EFCAB5: variants seen among roughly 807,000 people sequenced by gnomAD.
The protein encoded by EFCAB5 is EF-hand calcium binding domain 5.
EFCAB5 carries 131 observed loss-of-function variants against 167.9 expected under a neutral mutation model. The ratio of observed to expected loss-of-function variants is 0.78; its 90% CI spans 0.68 to 0.90. The LOEUF is 0.90. Among genes scored for constraint, EFCAB5 ranks in the 40% least tolerant of loss-of-function variants. The probability of loss-of-function intolerance (pLI) is 0.00; values close to 1 mark genes in which losing one functional copy is unlikely to be tolerated. For missense variants in EFCAB5, 1,663 were observed against 1,745.2 expected (o/e 0.95, Z 0.84); for synonymous variants, 574 against 602.8 (o/e 0.95, Z 0.70).
intron 14 of EFCAB5, among the ~76,000 whole-genome samples, chr17:30,076,242 G>GA (rs1487934540): frequency 1.3e-5 from 2 of 152,176 alleles, no homozygotes; most frequent in African/African-American, 4.8e-5. Context: ...AAATAAAAAA[G>GA]AAAGTGTCTT....
At chr17:30,092,266 T>C (rs2071214645) in intron 21 of EFCAB5, 109 bp downstream of exon 21, 1 of 1,173,552 alleles carries the variant, frequency 8.5e-7, no homozygotes, top group South Asian at 1.6e-5. Flanking sequence ...CAAGAATTTT[T>C]ACTGAGTGGA....
At chr17:30,044,265 A>G (rs1271397148) in intron 8 of EFCAB5, among the ~76,000 whole-genome samples, 1 of 152,154 alleles carries the variant, frequency 6.6e-6, no homozygotes, top group Non-Finnish European at 1.5e-5. Flanking sequence ...TAAAAATTAA[A>G]CCTACTGGAA....
At position 30,054,066 on chromosome 17, in the gene EFCAB5, A is replaced by G. The variant is rs1222923059; in HGVS notation, c.2112A>G (p.Glu704=). ...EVPLQEKRSW[E]QTYEEEIFLS... ...CTCTACAGGAAAAGAGGTCTTGGGAACAAACATATGAAGAGGAAATATTCC... is the reference window on the plus strand; with the variant it reads ...CTCTACAGGAAAAGAGGTCTTGGGAGCAAACATATGAAGAGGAAATATTCC... Residue 704 remains glutamate (E), a synonymous_variant, in exon 10 of 23, where the codon GAA becomes GAG. Coordinates refer to ENST00000394835, the MANE Select transcript of EFCAB5 (RefSeq NM_198529.4). 6.3e-7 allele frequency: 1 copy of G among 1,596,386 alleles called. No homozygotes were observed. Among genetic ancestry groups the G allele is most frequent in the South Asian group, 1.1e-5 (1 of 88,732 alleles).
intron 5 of EFCAB5, 91 bp downstream of exon 5, chr17:29,993,412 C>T (rs1217178630): frequency 1.6e-5 from 21 of 1,332,806 alleles, no homozygotes; most frequent in Non-Finnish European, 2.0e-5. Context: ...TAGAAGCCTC[C>T]CTTGAAATTT....
intron 18 of EFCAB5, among the ~76,000 whole-genome samples, chr17:30,086,057 A>G (rs2071083351): frequency 6.6e-6 from 1 of 152,086 alleles, no homozygotes; most frequent in African/African-American, 2.4e-5. Flanking sequence ...GTGCAGTGAC[A>G]TGATCAGAGC....
At chr17:29,944,306 C>G (rs998314756) in intron 3 of EFCAB5, among the ~76,000 whole-genome samples, 3 of 152,082 alleles carry the variant, frequency 2.0e-5, no homozygotes, top group Admixed American at 1.3e-4. Context: ...GTCTCGATCT[C>G]CTGGACTCAG....
chr17:29,969,433 A>G (rs979634069), intron 4 of EFCAB5, 66 bp downstream of exon 4: 2 of 1,342,510 alleles, frequency 1.5e-6, no homozygotes, highest in African/African-American at 2.9e-5. Context: ...TAGAAAAAAT[A>G]ACATAATCAT....
At chr17:29,943,872 G>GTAATCCCA (rs2067342610) in intron 3 of EFCAB5, among the ~76,000 whole-genome samples, 1 of 151,958 alleles carries the variant, frequency 6.6e-6, no homozygotes, top group African/African-American at 2.4e-5. Flanking sequence ...CTACTCTGGA[G>GTAATCCCA]GCTGAGGCAG....
At chr17:30,000,026 A>C in intron 7 of EFCAB5, 50 bp downstream of exon 7, 1 of 1,402,168 alleles carries the variant, frequency 7.1e-7, no homozygotes, top group South Asian at 1.3e-5. Context: ...TGTCAGTTTC[A>C]ATTGTCTGTT....
At chr17:30,013,196 C>T (rs1336045781) in intron 7 of EFCAB5, among the ~76,000 whole-genome samples, 11 of 152,042 alleles carry the variant, frequency 7.2e-5, no homozygotes, top group Admixed American at 4.6e-4. Flanking sequence ...CTGCTGGATT[C>T]GGTTTGCCAG....
Position 30,080,800 on chromosome 17 carries a change from A to C in EFCAB5, c.3245A>C (p.Gln1082Pro). The change falls in exon 17 of 23, where the codon CAG becomes CCG. Residue 1082 changes from glutamine (Q) to proline (P), a missense_variant. Coordinates refer to ENST00000394835, the MANE Select transcript of EFCAB5 (RefSeq NM_198529.4). The part of the protein sequence containing the change: ...EGKPIHVPQV[Q>P]YHGNIFFWNQ... Reference sequence around the variant, plus strand: ...AAGCCAATCCATGTTCCCCAAGTTCAGTACCATGGGAACATCTTCTTCTGG... The same window carrying C: ...AAGCCAATCCATGTTCCCCAAGTTCCGTACCATGGGAACATCTTCTTCTGG... 6.2e-7 allele frequency: 1 copy of C among 1,612,564 alleles called. No individual in the cohort carries two copies. The highest frequency in any genetic ancestry group is 8.5e-7 in the Non-Finnish European group (1 of 1,179,328).
intron 3 of EFCAB5, among the ~76,000 whole-genome samples, chr17:29,950,276 T>TTTCC (rs144070532): frequency 0.012 from 1,770 of 151,844 alleles, 26 homozygotes; most frequent in Non-Finnish European, 0.02. Flanking sequence ...CCTTTCTTCC[T>TTTCC]TTCCTTCCTT....
chr17:30,070,507 G>A (rs1453121478), intron 14 of EFCAB5, among the ~76,000 whole-genome samples: 1 of 152,076 alleles, frequency 6.6e-6, no homozygotes, highest in Admixed American at 6.6e-5. Context: ...CAATGGAACA[G>A]AATAGAGAAC....
At chr17:30,015,250 C>G (rs2069006228) in intron 7 of EFCAB5, among the ~76,000 whole-genome samples, 2 of 152,118 alleles carry the variant, frequency 1.3e-5, no homozygotes, top group Non-Finnish European at 2.9e-5. Context: ...TCATTTCAAC[C>G]TTGGTAAATC....
chr17:29,976,642 C>G (rs966204665), intron 4 of EFCAB5, among the ~76,000 whole-genome samples: 3 of 152,142 alleles, frequency 2.0e-5, no homozygotes, highest in African/African-American at 7.2e-5. Context: ...CAATCCATTG[C>G]AAAGCCTTAG....
intron 4 of EFCAB5, among the ~76,000 whole-genome samples, chr17:29,974,079 C>G (rs1160109162): frequency 2.0e-5 from 3 of 150,624 alleles, no homozygotes; most frequent in Non-Finnish European, 4.4e-5. Context: ...ATTGCTTGAA[C>G]CTGGAAGGCA....
At chr17:30,048,743 A>G (rs2069999950) in intron 8 of EFCAB5, among the ~76,000 whole-genome samples, 1 of 152,084 alleles carries the variant, frequency 6.6e-6, no homozygotes, top group African/African-American at 2.4e-5. Context: ...CTACCCCAGC[A>G]TCCCAAAGTG....
chr17:30,100,198 T>C (rs2071362221), intron 22 of EFCAB5, among the ~76,000 whole-genome samples: 2 of 152,178 alleles, frequency 1.3e-5, no homozygotes, highest in Non-Finnish European at 2.9e-5. Flanking sequence ...TTCACTCAAC[T>C]AAAATTATCT....
At chr17:30,071,669 A>C (rs1326165648) in intron 14 of EFCAB5, among the ~76,000 whole-genome samples, 2 of 152,164 alleles carry the variant, frequency 1.3e-5, no homozygotes. Flanking sequence ...AAAGGAAATA[A>C]GTATGTTAAA....
Sources: gnomAD v4.1 joint callset for allele counts (sites outside exome capture counted in the v4.1 genomes callset) on GRCh38, gnomAD v4.1.1 for gene constraint, MANE v1.5 for transcripts, NCBI Gene and HGNC (gene_info 2026-07-23, HGNC 2026-07-21) for gene names.